Variants in LRRC28 observed in about 807,000 individuals in gnomAD.
LRRC28 encodes the protein leucine rich repeat containing 28.
Under a neutral mutation model 45.7 loss-of-function variants are expected in LRRC28, and 39 were observed. The ratio of observed to expected loss-of-function variants is 0.85; its 90% confidence interval spans 0.66 to 1.12. The LOEUF (loss-of-function observed/expected upper bound fraction) is 1.12, where lower values mean the gene tolerates loss of function less well. Ranked by LOEUF, LRRC28 falls within the 50% of genes most tolerant of loss-of-function variation. The pLI is 0.00. For missense variants in LRRC28, 435 were observed against 438.5 expected (o/e 0.99, Z 0.07); for synonymous variants, 206 against 178.8 (o/e 1.15, Z -1.22).
intron 6 of LRRC28, among the ~76,000 whole-genome samples, chr15:99,349,003 A>C (rs1956785288): frequency 6.6e-6 from 1 of 151,878 alleles, no homozygotes; most frequent in Non-Finnish European, 1.5e-5. Flanking sequence ...CTCCTTAGTT[A>C]CATTTATTCC....
chr15:99,287,408 T>C, intron 4 of LRRC28, 114 bp downstream of exon 4: 1 of 736,574 alleles, frequency 1.4e-6, no homozygotes, highest in Non-Finnish European at 2.1e-6. Context: ...CAAAACTTTT[T>C]TCTTCTAATA....
intron 7 of LRRC28, among the ~76,000 whole-genome samples, chr15:99,358,340 A>C (rs1330364796): frequency 6.6e-6 from 1 of 152,212 alleles, no homozygotes; most frequent in East Asian, 1.9e-4. Flanking sequence ...CATGTTTGCA[A>C]ATAAGGAAAT....
chr15:99,376,858 T>C (rs1657650157), intron 9 of LRRC28, among the ~76,000 whole-genome samples: 1 of 152,236 alleles, frequency 6.6e-6, no homozygotes, highest in Non-Finnish European at 1.5e-5. Flanking sequence ...TCCATGGCCC[T>C]ACAAAGGACA....
At chr15:99,271,899 A>G (rs990984326) in intron 2 of LRRC28, among the ~76,000 whole-genome samples, 8 of 152,152 alleles carry the variant, frequency 5.3e-5, no homozygotes, top group Non-Finnish European at 7.3e-5. Flanking sequence ...GCACCTGGCC[A>G]GTGTATCTAT....
At position 99,252,593 on chromosome 15, in the gene LRRC28, C is replaced by T. The variant is rs911540285; in HGVS notation, c.-61+1052C>T. 7.9e-5 allele frequency among the ~76,000 whole-genome samples: 12 copies of T among 152,310 alleles called. No individual in the cohort carries two copies. In the East Asian group the frequency reaches 2.3e-3, roughly 29 times the overall value. On this transcript the variant is annotated intron_variant, in intron 1 of 9. Transcript: ENST00000301981. Reference sequence around the variant, plus strand: ...TACCCTCTGAGAAACTCAGTTTCCTCCTCTACAAAACGGGCTACATAATGT... The same window carrying T: ...TACCCTCTGAGAAACTCAGTTTCCTTCTCTACAAAACGGGCTACATAATGT...
At position 99,287,026 on chromosome 15, in the gene LRRC28, CAACT is replaced by C. The variant is rs1224800089; in HGVS notation, c.210-228_210-225del. The C allele has an allele frequency of 2.1e-5, 8 of 383,454 alleles. No individual in the cohort carries two copies. The East Asian group carries it at 2.3e-4, about 11-fold the overall frequency. 23.8% of individuals were successfully genotyped at this position (383,454 alleles called of 1,614,324 possible). ...TATGTATGCTTTTATTTTAAAATAA[CAACT>C]AAATCAGTAAATAGATTTAATATTT... On this transcript the variant is annotated intron_variant, in intron 3 of 9. Coordinates refer to ENST00000301981, the MANE Select transcript of LRRC28 (RefSeq NM_144598.5).
intron 5 of LRRC28, among the ~76,000 whole-genome samples, chr15:99,296,061 C>G (rs1233177509): frequency 1.3e-5 from 2 of 152,156 alleles, no homozygotes; most frequent in African/African-American, 2.4e-5. Flanking sequence ...ATAAAAACAG[C>G]CAGAGCCTGG....
At chr15:99,293,161 A>G (rs183172140) in intron 5 of LRRC28, among the ~76,000 whole-genome samples, 1 of 152,220 alleles carries the variant, frequency 6.6e-6, no homozygotes, top group Admixed American at 6.5e-5. Context: ...AATTACATGC[A>G]TTTTTATATT....
intron 6 of LRRC28, among the ~76,000 whole-genome samples, chr15:99,336,199 A>G (rs962638322): frequency 6.6e-6 from 1 of 152,206 alleles, no homozygotes; most frequent in Admixed American, 6.5e-5. Flanking sequence ...TTTAATTGCT[A>G]TACATATGCT....
chr15:99,358,267 A>G (rs1957101554), intron 7 of LRRC28, among the ~76,000 whole-genome samples: 1 of 152,214 alleles, frequency 6.6e-6, no homozygotes, highest in Non-Finnish European at 1.5e-5. Context: ...CTATGTGAAG[A>G]AAATTGTGAA....
At chr15:99,267,862 A>G (rs78943785) in intron 2 of LRRC28, among the ~76,000 whole-genome samples, 14,269 of 152,232 alleles carry the variant, frequency 0.094, 739 homozygotes, top group African/African-American at 0.14. Flanking sequence ...AAGAAACTCA[A>G]GCCTCTCACA....
chr15:99,253,184 G>A (rs189226502), intron 1 of LRRC28, among the ~76,000 whole-genome samples: 1 of 151,698 alleles, frequency 6.6e-6, no homozygotes, highest in Non-Finnish European at 1.5e-5. Context: ...GCAGTGGTGC[G>A]ATCTCGGTTT....
At chr15:99,325,362 C>G (rs1411816801) in intron 5 of LRRC28, among the ~76,000 whole-genome samples, 17 of 152,116 alleles carry the variant, frequency 1.1e-4, no homozygotes, top group Non-Finnish European at 2.5e-4. Flanking sequence ...TACTAAGGAT[C>G]ATTTTATCTG....
At position 99,259,056 on chromosome 15, in the gene LRRC28, A is replaced by G. The variant is rs536176251; in HGVS notation, c.168+2931A>G. ...AAGAAGATTGCTGATGAGAAATACA[A>G]TGATACTTTTTGGAAAGAATTTGGT... On this transcript the variant is annotated intron_variant, in intron 2 of 9. Transcript: ENST00000301981. 59 of 920,712 alleles carry G rather than the reference A, an allele frequency of 6.4e-5. No individual in the cohort carries two copies. In the African/African-American group the frequency reaches 7.6e-4, roughly 12 times the overall value. The allele number at this position is 920,712 out of a possible 1,614,324, so 57.0% of individuals were successfully genotyped here. A position where few individuals can be genotyped will look rare whatever the true frequency, so the allele number is the denominator to read the frequency against.
chr15:99,321,334 C>CT (rs1955789675), intron 5 of LRRC28, among the ~76,000 whole-genome samples: 1 of 152,098 alleles, frequency 6.6e-6, no homozygotes, highest in African/African-American at 2.4e-5. Context: ...ATTGTATAGT[C>CT]TAAGTTATGC....
At chr15:99,269,709 TTTAAA>T (rs955473929) in intron 2 of LRRC28, among the ~76,000 whole-genome samples, 152 of 152,282 alleles carry the variant, frequency 1.0e-3, no homozygotes, top group African/African-American at 3.4e-3. Flanking sequence ...GGCCTTAACA[TTTAAA>T]TTAAAGTAAA....
At position 99,342,465 on chromosome 15, in the gene LRRC28, G is replaced by A. The variant is rs139618303; in HGVS notation, c.592+8336G>A. 5.9e-4 allele frequency among the ~76,000 whole-genome samples: 90 copies of A among 152,326 alleles called. No homozygotes were observed. In the Middle Eastern group the frequency reaches 0.014, roughly 23 times the overall value. Reference sequence around the variant, plus strand: ...ACTTCGGAAGGTTATTGAAGTCTCAGTAAAAGGGTAATATTAGCACCTACT... The same window carrying A: ...ACTTCGGAAGGTTATTGAAGTCTCAATAAAAGGGTAATATTAGCACCTACT... On this transcript the variant is annotated intron_variant, in intron 6 of 9. Coordinates refer to ENST00000301981, the MANE Select transcript of LRRC28 (RefSeq NM_144598.5).
chr15:99,309,479 G>T (rs1314512763), intron 5 of LRRC28, among the ~76,000 whole-genome samples: 1 of 152,164 alleles, frequency 6.6e-6, no homozygotes, highest in East Asian at 1.9e-4. Context: ...CACAATCTTG[G>T]CTCACTGCAA....
intron 9 of LRRC28, among the ~76,000 whole-genome samples, chr15:99,375,080 G>A (rs899485876): frequency 6.6e-6 from 1 of 152,148 alleles, no homozygotes; most frequent in Admixed American, 6.5e-5. Context: ...AATCTGTTAA[G>A]TATAATGTGT....
Sources: allele counts gnomAD v4.1 joint callset (sites outside exome capture counted in the v4.1 genomes callset), GRCh38; gene constraint gnomAD v4.1.1; transcripts MANE v1.5; gene names NCBI Gene and HGNC (gene_info 2026-07-23, HGNC 2026-07-21).